Variants in PUDP observed in about 807,000 individuals in gnomAD.
The protein encoded by PUDP is pseudouridine 5'-phosphatase.
A neutral mutation model predicts 9.4 loss-of-function variants in PUDP; 8 were observed. That is an observed-to-expected ratio of 0.85 (90% confidence interval 0.50 to 1.53). The LOEUF (loss-of-function observed/expected upper bound fraction) is 1.53. PUDP is among the 40% of genes most tolerant of loss of function. PUDP has a pLI of 0.00. For missense variants in PUDP, 188 were observed against 189.7 expected (o/e 0.99, Z 0.05); for synonymous variants, 99 against 80.7 (o/e 1.23, Z -1.22).
chrX:6,954,419 A>G (rs1249891725), intron 3 of PUDP, among the ~76,000 whole-genome samples: 1 of 110,529 alleles, frequency 9.0e-6, no homozygotes, highest in Non-Finnish European at 1.9e-5. Flanking sequence ...GGCTGGAACC[A>G]TGCACTGCAT....
intron 1 of PUDP, among the ~76,000 whole-genome samples, chrX:7,115,236 C>A (rs1394460479): frequency 2.7e-5 from 3 of 112,257 alleles, no homozygotes; most frequent in African/African-American, 9.7e-5. Flanking sequence ...CTTAATGGAA[C>A]ATACCATATG....
intron 1 of PUDP, among the ~76,000 whole-genome samples, chrX:7,011,364 G>C (rs1255465852): frequency 8.9e-6 from 1 of 111,875 alleles, no homozygotes; most frequent in Non-Finnish European, 1.9e-5. Context: ...TAGTAACAGA[G>C]GGTGCAGGAT....
intron 3 of PUDP, among the ~76,000 whole-genome samples, chrX:6,924,583 A>C (rs1268355394): frequency 8.9e-6 from 1 of 112,121 alleles, no homozygotes; most frequent in Admixed American, 9.4e-5. Flanking sequence ...GCAGAGCCTG[A>C]AGTTAATTTC....
chrX:6,993,836 TCACCCCA>T (rs1929216945), intron 1 of PUDP, among the ~76,000 whole-genome samples: 1 of 111,890 alleles, frequency 8.9e-6, no homozygotes, highest in Non-Finnish European at 1.9e-5. Flanking sequence ...TGGACTGAGC[TCACCCCA>T]CATGTGCTAG....
chrX:6,944,880 C>T (rs2146778730), intron 3 of PUDP, among the ~76,000 whole-genome samples: 1 of 111,366 alleles, frequency 9.0e-6, no homozygotes, highest in South Asian at 3.8e-4. Context: ...TTCTGCTGAT[C>T]CCAAATTTTT....
intron 2 of PUDP, among the ~76,000 whole-genome samples, chrX:7,089,446 A>G (rs909396747): frequency 6.3e-5 from 7 of 110,672 alleles, no homozygotes; most frequent in Non-Finnish European, 1.1e-4. Context: ...CTGTGTATAA[A>G]CCTGTTTTCT....
exon 2 of PUDP, among the ~76,000 whole-genome samples, chrX:6,978,181 C>T (rs1343064893): frequency 3.6e-5 from 4 of 112,087 alleles, no homozygotes; most frequent in Non-Finnish European, 7.5e-5. Flanking sequence ...CTCTGTTTGC[C>T]TTCTTTAGTT....
At chrX:6,729,948 A>G (rs954803329) in intron 3 of PUDP, among the ~76,000 whole-genome samples, 3 of 112,261 alleles carry the variant, frequency 2.7e-5, no homozygotes, top group African/African-American at 9.7e-5. Context: ...CAGGACTTGC[A>G]TCAGGAATAA....
Position 6,958,424 on chromosome X carries a change from C to T in PUDP, c.*247+18709G>A, listed in dbSNP as rs59794458. On this transcript the variant is annotated intron_variant and NMD_transcript_variant, in intron 3 of 3. Coordinates refer to the PUDP transcript ENST00000655425. Reference sequence around the variant, plus strand: ...CACTAATTTCCTTATCATGGCTAGCCGGTATTTAAGAATGTTAGCACAGGC... The same window carrying T: ...CACTAATTTCCTTATCATGGCTAGCTGGTATTTAAGAATGTTAGCACAGGC... Among the ~76,000 whole-genome samples the T allele has an allele frequency of 9.1e-3, 1,012 of 111,722 alleles. 9 individuals carry two copies. Among genetic ancestry groups the T allele is most frequent in the African/African-American group, 0.031 (940 of 30,780 alleles).
At chrX:6,877,677 T>G (rs780527769) in intron 3 of PUDP, among the ~76,000 whole-genome samples, 1 of 111,873 alleles carries the variant, frequency 8.9e-6, no homozygotes, top group African/African-American at 3.2e-5. Flanking sequence ...ATGTCTCTGA[T>G]AGGCAGGCAC....
At chrX:6,764,925 C>A (rs1215271831) in intron 3 of PUDP, among the ~76,000 whole-genome samples, 1 of 110,681 alleles carries the variant, frequency 9.0e-6, no homozygotes, top group African/African-American at 3.3e-5. Context: ...CACAATAAAA[C>A]TAGTTTTAAA....
At chrX:6,830,134 G>C (rs1005272067) in intron 3 of PUDP, among the ~76,000 whole-genome samples, 2 of 109,624 alleles carry the variant, frequency 1.8e-5, no homozygotes, top group African/African-American at 3.3e-5. Context: ...ACACATACCC[G>C]GTCTCTTGGC....
intron 1 of PUDP, among the ~76,000 whole-genome samples, chrX:6,986,916 A>G (rs1929110443): frequency 8.9e-6 from 1 of 112,225 alleles, no homozygotes; most frequent in Non-Finnish European, 1.9e-5. Flanking sequence ...TTCATTGCCA[A>G]TCTCAGACCT....
intron 3 of PUDP, among the ~76,000 whole-genome samples, chrX:7,056,863 G>A (rs1930260588): frequency 8.9e-6 from 1 of 112,310 alleles, no homozygotes; most frequent in Non-Finnish European, 1.9e-5. Flanking sequence ...GCGGAAGACA[G>A]AACTCTTGAA....
At chrX:7,048,595 T>G (rs758180271), downstream of PUDP, among the ~76,000 whole-genome samples, 21 of 112,356 alleles carry the variant, frequency 1.9e-4, no homozygotes, top group Non-Finnish European at 3.0e-4. Context: ...TGTAGGAAAT[T>G]CACCCAGATG....
intron 3 of PUDP, chrX:7,057,931 G>T: frequency 1.9e-6 from 1 of 524,303 alleles, no homozygotes; most frequent in South Asian, 3.1e-5. Flanking sequence ...ATGCTCTCGT[G>T]TTCCTCCCCA....
In PUDP at chrX:7,098,341, T is replaced by A. The variant is rs763914452; in HGVS notation, c.280+7279A>T. ...GCTTCAAGATGGTACCTTGTTGCTG[T>A]ACCCTCCAGAGGGGAGGAATGCTGT... On this transcript the variant is annotated intron_variant, in intron 2 of 3. Coordinates refer to ENST00000381077, the MANE Select transcript of PUDP (RefSeq NM_012080.5). Among the ~76,000 whole-genome samples, 11 of 111,829 alleles carry A rather than the reference T, an allele frequency of 9.8e-5. No individual in the cohort carries two copies. In the South Asian group the frequency reaches 4.2e-3, roughly 42 times the overall value.
At chrX:7,063,147 C>T (rs948941940) in intron 3 of PUDP, among the ~76,000 whole-genome samples, 11 of 111,519 alleles carry the variant, frequency 9.9e-5, no homozygotes, top group Non-Finnish European at 1.9e-4. Context: ...CAACACCATA[C>T]AAATGAATTA....
At chrX:6,807,706 C>G (rs573575516) in intron 3 of PUDP, among the ~76,000 whole-genome samples, 4 of 112,052 alleles carry the variant, frequency 3.6e-5, no homozygotes, top group African/African-American at 1.3e-4. Flanking sequence ...CTGGAGGAAG[C>G]CCAGCTGCCG....
Sources: allele counts gnomAD v4.1 joint callset (sites outside exome capture counted in the v4.1 genomes callset), GRCh38; gene constraint gnomAD v4.1.1; transcripts MANE v1.5; gene names NCBI Gene and HGNC (gene_info 2026-07-23, HGNC 2026-07-21).